The following ITPK1 variants were observed in gnomAD, a reference collection of about 807,000 sequenced individuals.
ITPK1 encodes inositol-tetrakisphosphate 1-kinase, also known as inositol 1,3,4-trisphosphate 5/6-kinase.
ITPK1 carries 21 observed loss-of-function variants against 45.3 expected under a neutral mutation model. The observed-to-expected ratio is 0.46, with a 90% CI of 0.33 to 0.67. The LOEUF (loss-of-function observed/expected upper bound fraction) is 0.67. ITPK1 is among the 30% of genes least tolerant of loss of function. The pLI, the probability that ITPK1 is intolerant of heterozygous loss-of-function variation, is 0.02. For missense variants in ITPK1, 474 were observed against 573.5 expected (o/e 0.83, Z 1.77); for synonymous variants, 258 against 253.6 (o/e 1.02, Z -0.16).
At chr14:93,089,208 G>A (rs2140003276) in intron 2 of ITPK1, among the ~76,000 whole-genome samples, 1 of 152,314 alleles carries the variant, frequency 6.6e-6, no homozygotes, top group African/African-American at 2.4e-5. Context: ...CAGCCCCTGA[G>A]CAGGCCTGCA....
At position 92,941,423 on chromosome 14, in the gene ITPK1, A is replaced by G. The variant is rs1887387734; in HGVS notation, c.*138T>C. ...TACCCCTCATTTAGATCATGACATC[A>G]GAGAATCAGGTTAAAAATTAAAAAA... On this transcript the variant is annotated 3_prime_UTR_variant, in exon 11 of 11. Coordinates refer to ENST00000267615, the MANE Select transcript of ITPK1 (RefSeq NM_014216.6). 2 of 1,420,306 alleles carry G rather than the reference A, an allele frequency of 1.4e-6. No individual in the cohort carries two copies. The highest frequency in any genetic ancestry group is 1.5e-5 in the South Asian group (1 of 65,420). 88.0% of individuals were successfully genotyped at this position (1,420,306 alleles called of 1,614,324 possible).
At chr14:93,105,947 C>G (rs547915000) in intron 2 of ITPK1, among the ~76,000 whole-genome samples, 1 of 152,078 alleles carries the variant, frequency 6.6e-6, no homozygotes, top group Non-Finnish European at 1.5e-5. Flanking sequence ...TCAGGTGATC[C>G]GCCCGCCTCA....
At chr14:92,973,991 TG>T (rs1885799131) in intron 5 of ITPK1, among the ~76,000 whole-genome samples, 1 of 152,206 alleles carries the variant, frequency 6.6e-6, no homozygotes, top group Non-Finnish European at 1.5e-5. Context: ...CATGCCCCTC[TG>T]GGGTGCCTGA....
At chr14:92,986,145 T>C (rs554076504) in intron 5 of ITPK1, among the ~76,000 whole-genome samples, 10 of 152,288 alleles carry the variant, frequency 6.6e-5, no homozygotes, top group Admixed American at 2.6e-4. Context: ...ATTCTCATTG[T>C]TGAGGATGTG....
intron 3 of ITPK1, among the ~76,000 whole-genome samples, chr14:93,041,109 A>G (rs1206953347): frequency 2.0e-5 from 3 of 152,084 alleles, no homozygotes; most frequent in African/African-American, 7.2e-5. Context: ...GGCTATTTTG[A>G]TCAGTGATTA....
intron 2 of ITPK1, 82 bp downstream of exon 2, chr14:93,114,987 A>G (rs1892879751): frequency 1.4e-6 from 1 of 725,068 alleles, no homozygotes; most frequent in Non-Finnish European, 2.1e-6. Context: ...AAAACAACTA[A>G]TGAGGCTGCA....
Position 92,980,019 on chromosome 14 carries a change from G to A in ITPK1, c.364+13861C>T, listed in dbSNP as rs1057230046. ...TGGTCTGGAACTCCTGACGTCAAAC[G>A]ATCCACCCGCCTCAGCCTCTCAAAG... is the stretch of plus-strand genomic sequence containing the variant. On this transcript the variant is annotated intron_variant, in intron 5 of 10. Transcript: ENST00000267615. 3.3e-5 allele frequency among the ~76,000 whole-genome samples: 5 copies of A among 151,954 alleles called. No homozygotes were observed. In the South Asian group the frequency reaches 6.2e-4, roughly 19 times the overall value.
Position 92,938,529 on chromosome 14 carries a change from G to A in ITPK1, c.*3032C>T. The A allele has an allele frequency of 6.2e-7, 1 of 1,611,732 alleles. No individual in the cohort carries two copies. Among genetic ancestry groups the A allele is most frequent in the Non-Finnish European group, 8.5e-7 (1 of 1,177,810 alleles). ...TATAAAGCACACTTGGCAGTCCCCT[G>A]GGTACAGAGAGGAATGTTTTTCCCA... On this transcript the variant is annotated 3_prime_UTR_variant, in exon 11 of 11. Coordinates refer to ENST00000267615, the MANE Select transcript of ITPK1 (RefSeq NM_014216.6).
chr14:93,090,268 C>T (rs1891814803), intron 2 of ITPK1, among the ~76,000 whole-genome samples: 1 of 152,190 alleles, frequency 6.6e-6, no homozygotes, highest in Non-Finnish European at 1.5e-5. Flanking sequence ...CCTGCCCATG[C>T]TGTCCGCCCC....
chr14:92,989,856 G>T (rs1355395959), intron 5 of ITPK1, among the ~76,000 whole-genome samples: 2 of 152,148 alleles, frequency 1.3e-5, no homozygotes. Flanking sequence ...ATCTATGAGG[G>T]AAAGGTAGGG....
chr14:92,962,795 T>C lies in ITPK1; in HGVS notation c.419A>G (p.Asp140Gly). The C allele has an allele frequency of 6.2e-7, 1 of 1,614,020 alleles. No homozygotes were observed. Among genetic ancestry groups the C allele is most frequent in the Non-Finnish European group, 8.5e-7 (1 of 1,179,950 alleles). Reference protein sequence around the residue: ...FMELTSLCGDDTMRLLEKNGL... With the variant: ...FMELTSLCGDGTMRLLEKNGL... ...GTTCTTCTCCAGCAGCCGCATGGTG[T>C]CATCCCCGCACAGGCTCGTGAGCTC... The change falls in exon 6 of 11, where the codon GAC becomes GGC. Residue 140 changes from aspartate (D) to glycine (G), a missense_variant. By Grantham distance (94) the Asp-to-Gly change is moderately conservative. Transcript: ENST00000267615.
intron 3 of ITPK1, among the ~76,000 whole-genome samples, chr14:93,047,881 A>G (rs1330601909): frequency 2.6e-5 from 4 of 152,254 alleles, no homozygotes; most frequent in Non-Finnish European, 4.4e-5. Flanking sequence ...CCAGTTTCAC[A>G]TGACTTGGCA....
chr14:92,952,907 C>T (rs933986411), intron 8 of ITPK1, among the ~76,000 whole-genome samples: 1 of 152,268 alleles, frequency 6.6e-6, no homozygotes, highest in Non-Finnish European at 1.5e-5. Flanking sequence ...AGGCCGAGTT[C>T]TGGAAAAGGC....
In ITPK1 at chr14:93,063,834, C is replaced by A. The variant is rs1031777623; in HGVS notation, c.120+12761G>T. Reference sequence around the variant, plus strand: ...TAACCCTGGCACTCAGTAGACGAGGCACACACAGGAGTTCTCACTGCTGCT... The same window carrying A: ...TAACCCTGGCACTCAGTAGACGAGGAACACACAGGAGTTCTCACTGCTGCT... On this transcript the variant is annotated intron_variant, in intron 3 of 10. Transcript: ENST00000267615. This position sits in a 1 kb window ranked among gnomAD's most constrained non-coding sequence, Gnocchi z 4.3. Among the ~76,000 whole-genome samples the A allele has an allele frequency of 1.3e-5, 2 of 152,216 alleles. No individual in the cohort carries two copies. The highest frequency in any genetic ancestry group is 2.9e-5 in the Non-Finnish European group (2 of 68,042).
chr14:93,089,773 C>A (rs764736974), intron 2 of ITPK1, among the ~76,000 whole-genome samples: 1 of 152,152 alleles, frequency 6.6e-6, no homozygotes, highest in East Asian at 1.9e-4. Flanking sequence ...TTCTTCCTGC[C>A]GGCCTCCAGG....
chr14:93,098,879 A>G (rs1892195757), intron 2 of ITPK1, among the ~76,000 whole-genome samples: 1 of 152,146 alleles, frequency 6.6e-6, no homozygotes, highest in African/African-American at 2.4e-5. Flanking sequence ...ACAGCAGTTA[A>G]GCAGGCCCGG....
chr14:92,975,275 G>A lies in ITPK1; in HGVS notation c.365-12426C>T, dbSNP rs544120753. Reference sequence around the variant, plus strand: ...TTGCTCGGTTTCTCAATCAAGCTCCGCCACAGGGTGCAGGCTCAGTGCCCC... The same window carrying A: ...TTGCTCGGTTTCTCAATCAAGCTCCACCACAGGGTGCAGGCTCAGTGCCCC... On this transcript the variant is annotated intron_variant, in intron 5 of 10. Coordinates refer to ENST00000267615, the MANE Select transcript of ITPK1 (RefSeq NM_014216.6). Among the ~76,000 whole-genome samples the A allele has an allele frequency of 5.3e-5, 8 of 152,324 alleles. No individual in the cohort carries two copies. In the South Asian group the frequency reaches 6.2e-4, roughly 12 times the overall value.
At chr14:93,021,701 G>C (rs942441278) in intron 3 of ITPK1, among the ~76,000 whole-genome samples, 7 of 152,136 alleles carry the variant, frequency 4.6e-5, no homozygotes, top group African/African-American at 1.4e-4. Context: ...CTGGAGAAGA[G>C]GAGATGGAGT....
chr14:92,970,676 C>T (rs1055249385), intron 5 of ITPK1, among the ~76,000 whole-genome samples: 1 of 151,742 alleles, frequency 6.6e-6, no homozygotes, highest in Non-Finnish European at 1.5e-5. Flanking sequence ...CGCTCTGTCG[C>T]CCAGGCTGGA....
Sources: gnomAD v4.1 joint callset for allele counts (sites outside exome capture counted in the v4.1 genomes callset) on GRCh38, gnomAD v4.1.1 for gene constraint, Gnocchi (gnomAD v3.1) non-coding constraint, MANE v1.5 for transcripts, NCBI Gene and HGNC (gene_info 2026-07-23, HGNC 2026-07-21) for gene names.